ASIC2: variants seen among roughly 807,000 people sequenced by gnomAD.
ASIC2 encodes acid-sensing ion channel 2.
In ASIC2, 25 loss-of-function variants were observed where a neutral mutation model predicts 57.3. The observed-to-expected ratio is 0.44, with a 90% CI of 0.32 to 0.61. The LOEUF (loss-of-function observed/expected upper bound fraction) is 0.61, where lower values mean the gene tolerates loss of function less well. Ranked by LOEUF, ASIC2 falls within the 20% of genes least tolerant of loss-of-function variation. ASIC2 has a pLI of 0.06. For synonymous variants in ASIC2, 319 were observed against 307.5 expected (o/e 1.04, Z -0.39); for missense variants, 641 against 738.1 (o/e 0.87, Z 1.52).
intron 1 of ASIC2, among the ~76,000 whole-genome samples, chr17:34,078,412 A>G (rs1026965952): frequency 6.6e-6 from 1 of 152,194 alleles, no homozygotes; most frequent in Non-Finnish European, 1.5e-5. Flanking sequence ...CATAGCGAAT[A>G]TAACGATGGA....
intron 1 of ASIC2, among the ~76,000 whole-genome samples, chr17:33,133,047 C>A (rs117988731): frequency 6.6e-6 from 1 of 152,106 alleles, no homozygotes; most frequent in African/African-American, 2.4e-5. Context: ...CAAACGGCTA[C>A]AATAAACAAC....
chr17:33,364,914 C>A (rs1000017336), intron 1 of ASIC2, among the ~76,000 whole-genome samples: 6 of 152,198 alleles, frequency 3.9e-5, no homozygotes, highest in African/African-American at 1.4e-4. Flanking sequence ...CAGTCCAACT[C>A]CGCAGTCAAG....
chr17:33,631,226 G>A (rs1906157625), intron 1 of ASIC2, among the ~76,000 whole-genome samples: 1 of 152,006 alleles, frequency 6.6e-6, no homozygotes, highest in Non-Finnish European at 1.5e-5. Flanking sequence ...TCAGAAATCT[G>A]TACTTTGAGA....
chr17:34,029,590 A>G (rs1442602523), intron 1 of ASIC2, among the ~76,000 whole-genome samples: 1 of 152,166 alleles, frequency 6.6e-6, no homozygotes, highest in African/African-American at 2.4e-5. Flanking sequence ...TTGGAAGACA[A>G]TTGAGGTTAA....
chr17:33,285,430 A>G (rs932057359), intron 1 of ASIC2, among the ~76,000 whole-genome samples: 2 of 152,240 alleles, frequency 1.3e-5, no homozygotes, highest in Non-Finnish European at 2.9e-5. Flanking sequence ...AAGAAAAGAA[A>G]TGGTTGGCTG....
intron 1 of ASIC2, chr17:33,529,991 G>A (rs1332360542): frequency 6.6e-6 from 1 of 152,174 alleles, no homozygotes; most frequent in Non-Finnish European, 1.5e-5. Context: ...ACCCCGCTGG[G>A]TCTTATTCAG....
chr17:34,013,558 G>A (rs552922297), intron 1 of ASIC2, among the ~76,000 whole-genome samples: 1 of 152,356 alleles, frequency 6.6e-6, no homozygotes, highest in African/African-American at 2.4e-5. Context: ...ATGAAAGGCT[G>A]TGCTGAGACA....
chr17:33,147,242 C>T (rs370985937), intron 1 of ASIC2, among the ~76,000 whole-genome samples: 4 of 152,064 alleles, frequency 2.6e-5, no homozygotes, highest in East Asian at 3.9e-4. Context: ...AAAAAGCAGA[C>T]TTAAAAAGTA....
chr17:33,354,876 C>T (rs531257887), intron 1 of ASIC2, among the ~76,000 whole-genome samples: 1 of 152,196 alleles, frequency 6.6e-6, no homozygotes. Flanking sequence ...TGTCCCCACA[C>T]ATGTGCACCT....
At chr17:33,022,405 A>C (rs1263854797) in intron 6 of ASIC2, among the ~76,000 whole-genome samples, 1 of 152,168 alleles carries the variant, frequency 6.6e-6, no homozygotes, top group Non-Finnish European at 1.5e-5. Flanking sequence ...TTCCATCATC[A>C]CACAGCATTC....
chr17:33,172,179 A>G (rs892566596), intron 1 of ASIC2, among the ~76,000 whole-genome samples: 7 of 152,190 alleles, frequency 4.6e-5, no homozygotes, highest in Admixed American at 3.3e-4. Flanking sequence ...TCCAATAACT[A>G]GTAGTGGATT....
At chr17:34,049,277 G>C (rs1451060417) in intron 1 of ASIC2, among the ~76,000 whole-genome samples, 3 of 152,104 alleles carry the variant, frequency 2.0e-5, no homozygotes, top group Non-Finnish European at 4.4e-5. Context: ...TTGGGCAACA[G>C]AGCAAGACCC....
chr17:33,175,250 C>G (rs2142052843), intron 1 of ASIC2, among the ~76,000 whole-genome samples: 1 of 152,282 alleles, frequency 6.6e-6, no homozygotes, highest in East Asian at 1.9e-4. Context: ...GACATTGATT[C>G]TTTGCACAGT....
At chr17:33,120,093 G>A (rs1350824941) in intron 1 of ASIC2, among the ~76,000 whole-genome samples, 1 of 152,248 alleles carries the variant, frequency 6.6e-6, no homozygotes, top group Non-Finnish European at 1.5e-5. Flanking sequence ...CAGCTAAAGA[G>A]TAGTTTGCCT....
intron 1 of ASIC2, among the ~76,000 whole-genome samples, chr17:33,462,712 T>C (rs1389616154): frequency 1.3e-5 from 2 of 152,266 alleles, no homozygotes; most frequent in African/African-American, 4.8e-5. Flanking sequence ...GTATGATCTA[T>C]AAGTAGTTGG....
chr17:33,757,112 C>T (rs777304836), intron 1 of ASIC2, among the ~76,000 whole-genome samples: 36 of 152,180 alleles, frequency 2.4e-4, no homozygotes, highest in Non-Finnish European at 4.9e-4. Context: ...GGAGAACGCC[C>T]AGGGAGTTTC....
chr17:33,114,228 A>G (rs1474595582), intron 1 of ASIC2, among the ~76,000 whole-genome samples: 1 of 152,236 alleles, frequency 6.6e-6, no homozygotes, highest in Non-Finnish European at 1.5e-5. Context: ...CAAAGCAAAT[A>G]TGCTTTTTCA....
rs751669634 is a variant in ASIC2, at chr17:33,578,074, T to C, written c.556-466007A>G. ...GTGGAGCTGAATTTCTATAGGAACA[T>C]ACTTCCCGTCTCCTAAACAGCTGAC... is the stretch of plus-strand genomic sequence containing the variant. On this transcript the variant is annotated intron_variant, in intron 1 of 9. Coordinates refer to the ASIC2 transcript ENST00000359872. 6.6e-4 allele frequency among the ~76,000 whole-genome samples: 100 copies of C among 152,174 alleles called. 1 individual carries two copies. The highest frequency in any genetic ancestry group is 8.5e-4 in the Admixed American group (13 of 15,274).
chr17:33,897,913 C>T (rs985957828), intron 1 of ASIC2, among the ~76,000 whole-genome samples: 3 of 152,008 alleles, frequency 2.0e-5, no homozygotes, highest in African/African-American at 2.4e-5. Context: ...TGGCAGAAAT[C>T]GAAGATGGAT....
Sources: gnomAD v4.1 joint callset for allele counts (sites outside exome capture counted in the v4.1 genomes callset) on GRCh38, gnomAD v4.1.1 for gene constraint, MANE v1.5 for transcripts, NCBI Gene and HGNC (gene_info 2026-07-23, HGNC 2026-07-21) for gene names.